Variants in PARP8 observed in about 807,000 individuals in gnomAD.
The protein encoded by PARP8 is poly(ADP-ribose) polymerase family member 8.
A neutral mutation model predicts 124.1 loss-of-function variants in PARP8; 51 were observed. That is an observed-to-expected ratio of 0.41 (90% CI 0.33 to 0.52). The LOEUF (loss-of-function observed/expected upper bound fraction) is 0.52, where lower values mean the gene tolerates loss of function less well. Ranked by LOEUF, PARP8 falls within the 20% of genes least tolerant of loss-of-function variation. The pLI is 0.21. For missense variants in PARP8, 860 were observed against 1,018.9 expected, an observed-to-expected ratio of 0.84 and a Z score of 2.12; for synonymous variants, 391 against 361.5, an observed-to-expected ratio of 1.08 and a Z score of -0.93.
chr5:50,763,030 T>C (rs1760715882), intron 6 of PARP8, 118 bp from the exon 7 acceptor site: 3 of 663,498 alleles, frequency 4.5e-6, no homozygotes, highest in Non-Finnish European at 8.0e-6. Flanking sequence ...AATATATTAC[T>C]TTATTGAAGC....
At chr5:50,746,690 T>C (rs1758580818) in intron 2 of PARP8, among the ~76,000 whole-genome samples, 1 of 152,202 alleles carries the variant, frequency 6.6e-6, no homozygotes, top group Non-Finnish European at 1.5e-5. Flanking sequence ...GTTTAAATCT[T>C]ATTTGGCATT....
chr5:50,718,555 G>A (rs754597133), intron 2 of PARP8, among the ~76,000 whole-genome samples: 1 of 151,818 alleles, frequency 6.6e-6, no homozygotes, highest in Non-Finnish European at 1.5e-5. Flanking sequence ...CGACATATGA[G>A]TGAGAATATG....
At chr5:50,679,137 AT>A (rs1157587541) in intron 2 of PARP8, among the ~76,000 whole-genome samples, 2 of 152,158 alleles carry the variant, frequency 1.3e-5, no homozygotes, top group African/African-American at 4.8e-5. Flanking sequence ...TAAAAAAAAA[AT>A]CTACCCTACA....
At chr5:50,795,531 G>GA in intron 12 of PARP8, 114 bp downstream of exon 12, 1 of 843,074 alleles carries the variant, frequency 1.2e-6, no homozygotes. Flanking sequence ...TTAATTTACT[G>GA]TTTTTTTAAA....
At chr5:50,835,271 G>T (rs1369388462) in intron 25 of PARP8, among the ~76,000 whole-genome samples, 1 of 152,186 alleles carries the variant, frequency 6.6e-6, no homozygotes, top group Non-Finnish European at 1.5e-5. Flanking sequence ...AGTCAAGCCT[G>T]GTGGCCCACA....
chr5:50,786,323 A>G (rs547202628), intron 9 of PARP8, among the ~76,000 whole-genome samples: 6 of 152,042 alleles, frequency 3.9e-5, no homozygotes, highest in Admixed American at 2.0e-4. Flanking sequence ...TTAAGTTAGC[A>G]GTATTTCATA....
At chr5:50,681,678 G>T (rs1255463294) in intron 2 of PARP8, among the ~76,000 whole-genome samples, 7 of 152,116 alleles carry the variant, frequency 4.6e-5, no homozygotes, top group Non-Finnish European at 1.0e-4. Flanking sequence ...TCAGAACAGG[G>T]TTTCTTCCAA....
At chr5:50,764,967 T>A (rs1323865188) in intron 7 of PARP8, among the ~76,000 whole-genome samples, 1 of 151,940 alleles carries the variant, frequency 6.6e-6, no homozygotes, top group Non-Finnish European at 1.5e-5. Context: ...TTTTTTGAAA[T>A]ATATATTTTG....
In PARP8 at chr5:50,779,283, A is replaced by T. The variant is rs900088842; in HGVS notation, c.670+633A>T. 9.0e-4 allele frequency among the ~76,000 whole-genome samples: 136 copies of T among 151,668 alleles called. 1 individual carries two copies. The highest frequency in any genetic ancestry group is 3.2e-3 in the African/African-American group (131 of 41,388). On this transcript the variant is annotated intron_variant, in intron 9 of 25. Coordinates refer to ENST00000281631, the MANE Select transcript of PARP8 (RefSeq NM_024615.4). ...GTTCCAGTTATCTAGTGTTACATTT[A>T]AAAAAAAATCCTAAAACTTAGTGGC...
At chr5:50,735,020 A>G (rs1451668092) in intron 2 of PARP8, among the ~76,000 whole-genome samples, 1 of 152,152 alleles carries the variant, frequency 6.6e-6, no homozygotes, top group East Asian at 1.9e-4. Context: ...TTACTATAAT[A>G]GAAATTCATC....
chr5:50,833,327 C>T lies in PARP8; in HGVS notation c.2307+473C>T, dbSNP rs79463277. ...AAGGTGACATTTGAGTCAAGACCTA[C>T]AGATGATGAGTGCGTGAGCCATGTG... is the stretch of plus-strand genomic sequence containing the variant. On this transcript the variant is annotated intron_variant, in intron 23 of 25. Coordinates refer to ENST00000281631, the MANE Select transcript of PARP8 (RefSeq NM_024615.4). 2.5e-3 allele frequency: 1,006 copies of T among 395,018 alleles called. 6 individuals are homozygous for T. The highest frequency in any genetic ancestry group is 0.019 in the African/African-American group (880 of 47,512). 24.5% of individuals were successfully genotyped at this position (395,018 alleles called of 1,614,324 possible).
chr5:50,823,633 T>C (rs1191645260), intron 17 of PARP8, among the ~76,000 whole-genome samples: 1 of 152,216 alleles, frequency 6.6e-6, no homozygotes, highest in African/African-American at 2.4e-5. Flanking sequence ...TAAACATTTT[T>C]AGTCATGAAA....
chr5:50,813,411 A>G (rs941382896), intron 14 of PARP8, among the ~76,000 whole-genome samples: 10 of 152,110 alleles, frequency 6.6e-5, no homozygotes, highest in African/African-American at 9.7e-5. Context: ...ATTGGTGTAT[A>G]AGAATGCTTG....
intron 2 of PARP8, among the ~76,000 whole-genome samples, chr5:50,678,253 A>G (rs990756093): frequency 2.0e-5 from 3 of 152,212 alleles, no homozygotes; most frequent in African/African-American, 7.2e-5. Context: ...ATGCTGCTGC[A>G]GTACTTACAT....
chr5:50,840,325 A>G (rs1405576626), intron 25 of PARP8, among the ~76,000 whole-genome samples: 1 of 151,912 alleles, frequency 6.6e-6, no homozygotes, highest in African/African-American at 2.4e-5. Flanking sequence ...ACTCATTTAG[A>G]TGAATGACAA....
At chr5:50,806,872 C>T (rs1019910828) in intron 14 of PARP8, among the ~76,000 whole-genome samples, 6 of 151,902 alleles carry the variant, frequency 3.9e-5, no homozygotes, top group Admixed American at 1.3e-4. Context: ...GGGATATTAA[C>T]CAATTAACTG....
intron 18 of PARP8, 82 bp downstream of exon 18, chr5:50,825,057 A>G: frequency 8.5e-7 from 1 of 1,170,078 alleles, no homozygotes; most frequent in Non-Finnish European, 1.3e-6. Context: ...AAACAAACAA[A>G]AGTAAACCTG....
rs773661931 is a variant in PARP8, at chr5:50,666,966, C to T, written c.-130C>T. 1.6e-4 allele frequency: 213 copies of T among 1,367,952 alleles called. 1 individual carries two copies. The highest frequency in any genetic ancestry group is 1.9e-4 in the Non-Finnish European group (194 of 1,044,606). 84.7% of individuals were successfully genotyped at this position (1,367,952 alleles called of 1,614,324 possible). On this transcript the variant is annotated 5_prime_UTR_variant, in exon 1 of 26. Coordinates refer to ENST00000281631, the MANE Select transcript of PARP8 (RefSeq NM_024615.4). The stretch of plus-strand genomic sequence containing the variant: ...TCTCACCCAGGATCACTTCCGAAAC[C>T]ACTTCGCCTTCAGCCCCTGCCTCGG...
Position 50,750,168 on chromosome 5 carries a change from A to T in PARP8, c.164A>T (p.His55Leu). ...TTTAACAGTGTATCCTACTCAGTAC[A>T]TGTATCTGAAGATTACCCAGGTATG... ...GGPRSVSYSVHVSEDYPDNTY... is the reference protein window; with the variant it reads ...GGPRSVSYSVLVSEDYPDNTY... The change falls in exon 3 of 26, where the codon CAT becomes CTT. Residue 55 changes from histidine (H) to leucine (L), a missense_variant. This residue lies in a region of PARP8 where 517 missense variants were observed against 544.2 expected (regional missense o/e 0.95). Coordinates refer to ENST00000281631, the MANE Select transcript of PARP8 (RefSeq NM_024615.4). 4 of 1,590,914 alleles carry T rather than the reference A, an allele frequency of 2.5e-6. No homozygotes were observed. Among genetic ancestry groups the T allele is most frequent in the Non-Finnish European group, 2.6e-6 (3 of 1,159,978 alleles).
Sources: allele counts gnomAD v4.1 joint callset (sites outside exome capture counted in the v4.1 genomes callset), GRCh38; gene constraint gnomAD v4.1.1; regional missense constraint gnomAD v4.1.1; transcripts MANE v1.5; gene names NCBI Gene and HGNC (gene_info 2026-07-23, HGNC 2026-07-21).